The following SYTL5 variants were observed in gnomAD, a reference collection of about 807,000 sequenced individuals.
The protein encoded by SYTL5 is synaptotagmin like 5.
In SYTL5, 34 loss-of-function variants were observed where a neutral mutation model predicts 55.9. The ratio of observed to expected loss-of-function variants is 0.61; its 90% CI spans 0.46 to 0.81. SYTL5 has a LOEUF of 0.81. Ranked by LOEUF, SYTL5 falls within the 30% of genes least tolerant of loss-of-function variation. The pLI is 0.00. For missense variants in SYTL5, 637 were observed against 546.7 expected, an observed-to-expected ratio of 1.17 and a Z score of -1.65; for synonymous variants, 221 against 188.7, an observed-to-expected ratio of 1.17 and a Z score of -1.40.
chrX:38,121,613 T>C (rs973570261), intron 14 of SYTL5, among the ~76,000 whole-genome samples: 2 of 112,770 alleles, frequency 1.8e-5, no homozygotes, highest in African/African-American at 6.4e-5. Flanking sequence ...GTAACTGTGT[T>C]TGGGCTGTAG....
the SYTL5 span, among the ~76,000 whole-genome samples, chrX:37,941,522 T>C: frequency 3.9e-5 from 1 of 25,373 alleles, no homozygotes; most frequent in Non-Finnish European, 3.2e-4. Flanking sequence ...AACCTGCTAC[T>C]ATTACTCTCT....
the SYTL5 span, among the ~76,000 whole-genome samples, chrX:37,992,210 A>G: frequency 1.8e-5 from 2 of 113,146 alleles, no homozygotes; most frequent in African/African-American, 6.4e-5. Context: ...TCTAAAGCAC[A>G]TGCAATCCTT....
chrX:38,101,420 T>A (rs1013828243), intron 9 of SYTL5, among the ~76,000 whole-genome samples: 10 of 111,213 alleles, frequency 9.0e-5, no homozygotes, highest in African/African-American at 3.3e-4. Context: ...AAACTATAGT[T>A]AAAAAAATTC....
At chrX:37,924,695 A>G in the SYTL5 span, among the ~76,000 whole-genome samples, 1 of 111,019 alleles carries the variant, frequency 9.0e-6, no homozygotes, top group African/African-American at 3.3e-5. Context: ...GAAATATTAC[A>G]TATTTATTGT....
chrX:38,053,537 A>C (rs1935680999), intron 2 of SYTL5, among the ~76,000 whole-genome samples: 1 of 112,518 alleles, frequency 8.9e-6, no homozygotes, highest in African/African-American at 3.2e-5. Flanking sequence ...GAAACTTTCA[A>C]ATGCTAAGCA....
chrX:37,897,004 G>A, the SYTL5 span, among the ~76,000 whole-genome samples: 2 of 111,633 alleles, frequency 1.8e-5, no homozygotes, highest in Admixed American at 1.9e-4. Context: ...AACTTTGTCA[G>A]GGAAGGCCTT....
chrX:37,981,593 G>A, the SYTL5 span, among the ~76,000 whole-genome samples: 10 of 111,470 alleles, frequency 9.0e-5, no homozygotes, highest in East Asian at 2.8e-4. Flanking sequence ...CACCGCGCCC[G>A]GCCTGAGAGC....
At chrX:38,099,999 T>C (rs1937043217) in intron 9 of SYTL5, among the ~76,000 whole-genome samples, 1 of 111,504 alleles carries the variant, frequency 9.0e-6, no homozygotes, top group Non-Finnish European at 1.9e-5. Context: ...TTTGCATCTA[T>C]GGTTTATCAT....
the SYTL5 span, among the ~76,000 whole-genome samples, chrX:37,972,998 G>T: frequency 2.7e-5 from 3 of 111,601 alleles, no homozygotes; most frequent in Non-Finnish European, 3.8e-5. Flanking sequence ...GCACTTAAAA[G>T]GTTGCCTTGC....
the SYTL5 span, among the ~76,000 whole-genome samples, chrX:37,977,700 TCACACACACACACACACACACACACACA>T: frequency 1.2e-5 from 1 of 82,553 alleles, no homozygotes; most frequent in African/African-American, 4.3e-5. Flanking sequence ...GGACCAATGA[TCACACACACACACACACACACACACACA>T]CACACACACA....
At chrX:38,005,692 A>C (rs1348126297), upstream of SYTL5, among the ~76,000 whole-genome samples, 2 of 111,234 alleles carry the variant, frequency 1.8e-5, no homozygotes, top group African/African-American at 6.5e-5. Flanking sequence ...GGAACAAAAC[A>C]TGTATCTCTA....
chrX:37,913,786 C>T, the SYTL5 span, among the ~76,000 whole-genome samples: 1 of 112,171 alleles, frequency 8.9e-6, no homozygotes, highest in South Asian at 3.7e-4. Flanking sequence ...TAGGATTACG[C>T]CCTAGTTGTT....
intron 3 of SYTL5, among the ~76,000 whole-genome samples, chrX:38,065,263 G>C (rs1936066344): frequency 9.0e-6 from 1 of 111,295 alleles, no homozygotes; most frequent in African/African-American, 3.3e-5. Flanking sequence ...ATCAATGTTT[G>C]TTTAGATTTT....
chrX:37,926,107 C>T, the SYTL5 span, among the ~76,000 whole-genome samples: 1 of 111,543 alleles, frequency 9.0e-6, no homozygotes, highest in Non-Finnish European at 1.9e-5. Context: ...ACTTATTTTC[C>T]TCTGGGTAGA....
the SYTL5 span, among the ~76,000 whole-genome samples, chrX:37,912,534 G>GCACCCAACA: frequency 9.0e-6 from 1 of 111,369 alleles, no homozygotes; most frequent in Non-Finnish European, 1.9e-5. Flanking sequence ...GTGTGAGTCA[G>GCACCCAACA]CACCCAACAC....
chrX:38,114,746 A>G (rs1442063828), intron 13 of SYTL5, among the ~76,000 whole-genome samples: 2 of 111,458 alleles, frequency 1.8e-5, no homozygotes, highest in Non-Finnish European at 3.8e-5. Context: ...ATTAATAACT[A>G]TGGTCACCAT....
chrX:38,027,421 T>C (rs1006222887), intron 1 of SYTL5, among the ~76,000 whole-genome samples: 1 of 111,721 alleles, frequency 9.0e-6, no homozygotes. Flanking sequence ...TTTGTTTCTT[T>C]TGAGATGCAG....
the SYTL5 span, among the ~76,000 whole-genome samples, chrX:37,982,967 T>G: frequency 6.3e-5 from 7 of 111,168 alleles, no homozygotes; most frequent in Admixed American, 2.9e-4. Context: ...TCTCTGTATC[T>G]CAATGGAATT....
chrX:37,915,283 C>G, the SYTL5 span, among the ~76,000 whole-genome samples: 1 of 111,724 alleles, frequency 9.0e-6, no homozygotes, highest in Non-Finnish European at 1.9e-5. Flanking sequence ...TGCCACCAAA[C>G]AAAGCAGTAA....
Sources: gnomAD v4.1 joint callset for allele counts (sites outside exome capture counted in the v4.1 genomes callset) on GRCh38, gnomAD v4.1.1 for gene constraint, MANE v1.5 for transcripts, NCBI Gene and HGNC (gene_info 2026-07-23, HGNC 2026-07-21) for gene names.